The following RPRD1A variants were observed in gnomAD, a reference collection of about 807,000 sequenced individuals.
The protein encoded by RPRD1A is regulation of nuclear pre-mRNA domain-containing protein 1A.
Under a neutral mutation model 37.8 loss-of-function variants are expected in RPRD1A, and 9 were observed. The ratio of observed to expected loss-of-function variants is 0.24; its 90% CI spans 0.14 to 0.42. The LOEUF (loss-of-function observed/expected upper bound fraction) is 0.42. Among genes scored for constraint, RPRD1A ranks in the 10% least tolerant of loss-of-function variants. The probability of loss-of-function intolerance (pLI) is 1.00; values close to 1 mark genes in which losing one functional copy is unlikely to be tolerated. For synonymous variants in RPRD1A, 138 were observed against 139.7 expected, an observed-to-expected ratio of 0.99 and a Z score of 0.08; for missense variants, 255 against 371.0, an observed-to-expected ratio of 0.69 and a Z score of 2.57.
chr18:36,065,434 A>C (rs548584921), intron 1 of RPRD1A, among the ~76,000 whole-genome samples: 3 of 152,316 alleles, frequency 2.0e-5, no homozygotes, highest in African/African-American at 7.2e-5. Context: ...TTATTTGTCC[A>C]TTCTCAAACT....
chr18:36,054,580 G>C (rs769352554), intron 1 of RPRD1A, among the ~76,000 whole-genome samples: 3 of 152,166 alleles, frequency 2.0e-5, no homozygotes, highest in Non-Finnish European at 4.4e-5. Context: ...CAAAGAAATA[G>C]AACCAATAGG....
intron 6 of RPRD1A, among the ~76,000 whole-genome samples, chr18:36,002,846 C>A (rs1446330214): frequency 1.3e-5 from 2 of 152,122 alleles, no homozygotes; most frequent in Non-Finnish European, 2.9e-5. Flanking sequence ...TGTTATTAAT[C>A]TAGTTAGGCG....
At chr18:36,044,930 T>A (rs1267140313) in intron 1 of RPRD1A, among the ~76,000 whole-genome samples, 1 of 151,344 alleles carries the variant, frequency 6.6e-6, no homozygotes, top group African/African-American at 2.4e-5. Context: ...AATCCATGAG[T>A]TCAAAATGAT....
At chr18:36,057,543 C>T (rs927576201) in intron 1 of RPRD1A, among the ~76,000 whole-genome samples, 2 of 152,144 alleles carry the variant, frequency 1.3e-5, no homozygotes, top group East Asian at 3.9e-4. Flanking sequence ...GCCCAGGAGG[C>T]AGAGGTTGCT....
chr18:35,996,464 T>G (rs1392975375), intron 6 of RPRD1A, among the ~76,000 whole-genome samples: 3 of 152,152 alleles, frequency 2.0e-5, no homozygotes, highest in Non-Finnish European at 4.4e-5. Flanking sequence ...ATCTTTCAAC[T>G]TTTACTAAAA....
chr18:36,005,870 T>G (rs1473439664), intron 6 of RPRD1A, among the ~76,000 whole-genome samples: 1 of 152,212 alleles, frequency 6.6e-6, no homozygotes, highest in African/African-American at 2.4e-5. Context: ...TTTTTACAAC[T>G]ATGTTTACGA....
At position 36,067,323 on chromosome 18, in the gene RPRD1A, G is replaced by A. The variant is rs1463974522; in HGVS notation, c.82C>T (p.Leu28=). ...NSQQSVQTLS[L]WLIHHRKHSR... is the part of the protein sequence containing the mutation. ...TGTTTACGGTGGTGAATGAGCCACA[G>A]GGACAAGGTCTGCACGCTCTGCTGC... The change falls in exon 1 of 7, where the codon CTG becomes TTG. Residue 28 remains leucine, a synonymous_variant. Coordinates refer to ENST00000399022, the MANE Select transcript of RPRD1A (RefSeq NM_018170.5). 2 of 1,608,246 alleles carry A rather than the reference G, an allele frequency of 1.2e-6. No individual in the cohort carries two copies. The highest frequency in any genetic ancestry group is 1.7e-6 in the Non-Finnish European group (2 of 1,177,548).
At chr18:35,997,052 A>G (rs1486318256) in intron 6 of RPRD1A, among the ~76,000 whole-genome samples, 1 of 151,998 alleles carries the variant, frequency 6.6e-6, no homozygotes, top group African/African-American at 2.4e-5. Context: ...CACTACAGCA[A>G]ATATATTGAA....
In RPRD1A at chr18:36,067,411, G is replaced by A. The variant is rs369553287; in HGVS notation, c.-7C>T. ...CCTCAGAGAAGGCTGACATCCCTCCGACACCACGTTCACGCCGTCCCACGC... is the reference window on the plus strand; with the variant it reads ...CCTCAGAGAAGGCTGACATCCCTCCAACACCACGTTCACGCCGTCCCACGC... On this transcript the variant is annotated 5_prime_UTR_variant, in exon 1 of 7. Transcript: ENST00000399022. 10 of 1,604,550 alleles carry A rather than the reference G, an allele frequency of 6.2e-6. No individual in the cohort carries two copies. Among genetic ancestry groups the A allele is most frequent in the African/African-American group, 1.3e-5 (1 of 74,718 alleles).
intron 6 of RPRD1A, among the ~76,000 whole-genome samples, chr18:36,008,577 G>GTGTATATATATATATATATATATATA: frequency 6.3e-5 from 3 of 47,802 alleles, no homozygotes; most frequent in African/African-American, 2.0e-4. Flanking sequence ...CCTTGTGTGT[G>GTGTATATATATATATATATATATATA]TATATATATA....
chr18:36,035,832 C>T (rs971365343), intron 1 of RPRD1A, among the ~76,000 whole-genome samples: 2 of 151,936 alleles, frequency 1.3e-5, no homozygotes, highest in African/African-American at 4.8e-5. Flanking sequence ...GTGAAATAAT[C>T]GAGTCATGAA....
chr18:36,031,245 C>T, intron 2 of RPRD1A, 148 bp from the exon 3 acceptor site: 1 of 992,946 alleles, frequency 1.0e-6, no homozygotes, highest in Non-Finnish European at 1.4e-6. Flanking sequence ...CACTATGTGG[C>T]CAGCAGCTCA....
intron 1 of RPRD1A, among the ~76,000 whole-genome samples, chr18:36,034,483 C>T (rs1407159362): frequency 6.6e-6 from 1 of 152,160 alleles, no homozygotes. Flanking sequence ...AAGATTTCAA[C>T]AGTTGTGGGC....
chr18:36,014,782 A>C (rs1349415614), intron 6 of RPRD1A, among the ~76,000 whole-genome samples: 4 of 152,140 alleles, frequency 2.6e-5, no homozygotes, highest in African/African-American at 9.7e-5. Flanking sequence ...TAAAATAGGC[A>C]AAGGACTTGA....
intron 6 of RPRD1A, among the ~76,000 whole-genome samples, chr18:36,006,706 C>T (rs1052742557): frequency 2.6e-5 from 4 of 152,172 alleles, no homozygotes; most frequent in African/African-American, 9.7e-5. Context: ...TATAAATCCT[C>T]AAATGGAGGG....
At chr18:36,010,806 C>A (rs370874726) in intron 6 of RPRD1A, among the ~76,000 whole-genome samples, 1 of 152,148 alleles carries the variant, frequency 6.6e-6, no homozygotes, top group Non-Finnish European at 1.5e-5. Flanking sequence ...TACTTTATTA[C>A]CTCCAGTTGA....
At chr18:36,015,131 T>TACACACACACACACACACACAC (rs201284977) in intron 6 of RPRD1A, among the ~76,000 whole-genome samples, 5 of 122,894 alleles carry the variant, frequency 4.1e-5, no homozygotes, top group African/African-American at 1.5e-4. Context: ...GGGTCTCACA[T>TACACACACACACACACACACAC]ACACACACAC....
At chr18:36,062,186 G>A (rs371401735) in intron 1 of RPRD1A, among the ~76,000 whole-genome samples, 4 of 151,186 alleles carry the variant, frequency 2.6e-5, no homozygotes, top group East Asian at 3.9e-4. Context: ...GCGCGGTGGC[G>A]GGCGCCTGTA....
intron 1 of RPRD1A, among the ~76,000 whole-genome samples, chr18:36,051,844 G>T (rs1190815831): frequency 6.6e-6 from 1 of 152,010 alleles, no homozygotes; most frequent in Non-Finnish European, 1.5e-5. Context: ...ACAGCCTAAG[G>T]GATCTGCCAG....
Sources: gnomAD v4.1 joint callset for allele counts (sites outside exome capture counted in the v4.1 genomes callset) on GRCh38, gnomAD v4.1.1 for gene constraint, MANE v1.5 for transcripts, NCBI Gene and HGNC (gene_info 2026-07-23, HGNC 2026-07-21) for gene names.